SLC41A2: variants seen among roughly 807,000 people sequenced by gnomAD.
SLC41A2 encodes SLC41A1-like 1.
Under a neutral mutation model 58.3 loss-of-function variants are expected in SLC41A2, and 32 were observed. That is an observed-to-expected ratio of 0.55 (90% confidence interval 0.41 to 0.74). SLC41A2 has a LOEUF of 0.74. SLC41A2 is among the 30% of genes least tolerant of loss of function. SLC41A2 has a pLI of 0.00. For missense variants in SLC41A2, 514 were observed against 680.6 expected (o/e 0.76, Z 2.72); for synonymous variants, 190 against 235.0 (o/e 0.81, Z 1.75).
intron 3 of SLC41A2, among the ~76,000 whole-genome samples, chr12:104,908,041 G>T (rs1184952226): frequency 1.3e-5 from 2 of 152,136 alleles, no homozygotes; most frequent in Non-Finnish European, 1.5e-5. Context: ...GAGGCAGGCG[G>T]ATCACCTGAG....
intron 10 of SLC41A2, among the ~76,000 whole-genome samples, chr12:104,823,377 TCAA>T (rs1339843148): frequency 6.6e-6 from 1 of 151,848 alleles, no homozygotes; most frequent in Admixed American, 6.6e-5. Flanking sequence ...AAAACTAAAA[TCAA>T]CAACAAGTTA....
Position 104,802,881 on chromosome 12 carries a change from T to G in SLC41A2, c.*2271A>C, listed in dbSNP as rs541923703. 1.3e-5 allele frequency: 2 copies of G among 152,282 alleles called. No homozygotes were observed. The highest frequency in any genetic ancestry group is 2.9e-5 in the Non-Finnish European group (2 of 68,004). The allele number at this position is 152,282 out of a possible 1,614,324, so 9.4% of individuals were successfully genotyped here. A position where few individuals can be genotyped will look rare whatever the true frequency, so the allele number is the denominator to read the frequency against. On this transcript the variant is annotated 3_prime_UTR_variant, in exon 11 of 11. Coordinates refer to ENST00000258538, the MANE Select transcript of SLC41A2 (RefSeq NM_001352171.3). Reference sequence around the variant, plus strand: ...GTACATTTGGAGGGTCATAAACATGTCATAGAAAGAGTACTGGCATTATGA... The same window carrying G: ...GTACATTTGGAGGGTCATAAACATGGCATAGAAAGAGTACTGGCATTATGA...
chr12:104,876,243 C>T (rs1053454036), intron 6 of SLC41A2, among the ~76,000 whole-genome samples: 2 of 151,662 alleles, frequency 1.3e-5, no homozygotes, highest in Non-Finnish European at 2.9e-5. Context: ...TTTTTCTATT[C>T]TCTATTTGAT....
intron 6 of SLC41A2, among the ~76,000 whole-genome samples, chr12:104,878,920 C>G (rs1295394299): frequency 4.6e-5 from 7 of 152,156 alleles, no homozygotes; most frequent in South Asian, 2.1e-4. Flanking sequence ...CTAGTTTACA[C>G]TCCCACCAAC....
At chr12:104,957,044 C>G (rs1472843208) in intron 1 of SLC41A2, among the ~76,000 whole-genome samples, 1 of 152,098 alleles carries the variant, frequency 6.6e-6, no homozygotes, top group African/African-American at 2.4e-5. Context: ...AGGTATATAC[C>G]CAAGAGCACT....
intron 1 of SLC41A2, among the ~76,000 whole-genome samples, chr12:104,939,322 C>T (rs60726057): frequency 0.013 from 1,922 of 152,220 alleles, 53 homozygotes; most frequent in African/African-American, 0.044. Flanking sequence ...CTTAGCCTCC[C>T]GAGTAGCTAG....
chr12:104,875,906 G>A (rs910758060), intron 6 of SLC41A2, among the ~76,000 whole-genome samples: 4 of 152,206 alleles, frequency 2.6e-5, no homozygotes, highest in African/African-American at 9.6e-5. Flanking sequence ...ATTCAGCCAT[G>A]AAGCCATTTG....
At chr12:104,808,894 C>T (rs61046283) in intron 10 of SLC41A2, among the ~76,000 whole-genome samples, 3,623 of 152,194 alleles carry the variant, frequency 0.024, 86 homozygotes, top group East Asian at 0.094. Context: ...GTTCATATTT[C>T]TGTGGGATTT....
intron 10 of SLC41A2, among the ~76,000 whole-genome samples, chr12:104,828,273 G>A (rs532808278): frequency 6.6e-6 from 1 of 152,276 alleles, no homozygotes; most frequent in Admixed American, 6.5e-5. Flanking sequence ...CTGAGTGGCC[G>A]GCTCCAGTGG....
chr12:104,952,795 C>T lies in SLC41A2; in HGVS notation c.-168+5293G>A, dbSNP rs537779297. Among the ~76,000 whole-genome samples, 46 of 152,298 alleles carry T rather than the reference C, an allele frequency of 3.0e-4. 1 individual carries two copies. The highest frequency in any genetic ancestry group is 5.0e-4 in the Non-Finnish European group (34 of 68,018). ...AAAAAAATGTCACTTTAGTGTACCA[C>T]ATTCTCACACCTCTTGGCCTTTCCA... On this transcript the variant is annotated intron_variant, in intron 1 of 10. Transcript: ENST00000258538.
intron 10 of SLC41A2, among the ~76,000 whole-genome samples, chr12:104,823,425 G>C (rs1338370601): frequency 6.6e-6 from 1 of 151,994 alleles, no homozygotes; most frequent in Non-Finnish European, 1.5e-5. Context: ...CTTAAGAATA[G>C]ACATATAAAT....
intron 1 of SLC41A2, among the ~76,000 whole-genome samples, chr12:104,943,120 G>A (rs1007440857): frequency 2.6e-5 from 4 of 152,054 alleles, no homozygotes; most frequent in Non-Finnish European, 4.4e-5. Flanking sequence ...ATTTTAAGGT[G>A]CAGAAAAGAT....
At chr12:104,872,485 G>A (rs1279097397) in intron 6 of SLC41A2, among the ~76,000 whole-genome samples, 1 of 152,196 alleles carries the variant, frequency 6.6e-6, no homozygotes, top group Non-Finnish European at 1.5e-5. Flanking sequence ...TGTAATCCCA[G>A]CAATTTGGGA....
chr12:104,923,223 G>T (rs1236664795), intron 2 of SLC41A2, among the ~76,000 whole-genome samples: 1 of 147,076 alleles, frequency 6.8e-6, no homozygotes, highest in Non-Finnish European at 1.5e-5. Flanking sequence ...TTAGCCAGGC[G>T]GGGTGGCGGG....
At chr12:104,835,953 T>G (rs892411094) in intron 10 of SLC41A2, among the ~76,000 whole-genome samples, 1 of 152,194 alleles carries the variant, frequency 6.6e-6, no homozygotes, top group Non-Finnish European at 1.5e-5. Context: ...TAAGTGATTC[T>G]CCTGCTTCAG....
At chr12:104,914,862 G>GT (rs1159597394) in intron 2 of SLC41A2, among the ~76,000 whole-genome samples, 2 of 152,246 alleles carry the variant, frequency 1.3e-5, no homozygotes, top group Non-Finnish European at 2.9e-5. Context: ...TTTATTAGCT[G>GT]TAAGACCAGG....
chr12:104,907,015 G>A (rs1470568439), intron 3 of SLC41A2, among the ~76,000 whole-genome samples: 3 of 151,918 alleles, frequency 2.0e-5, no homozygotes, highest in African/African-American at 4.8e-5. Flanking sequence ...TTCCCTTACC[G>A]ATATCCAAAT....
At chr12:104,846,104 T>G in intron 8 of SLC41A2, 130 bp from the exon 9 acceptor site, 1 of 864,578 alleles carries the variant, frequency 1.2e-6, no homozygotes, top group South Asian at 1.9e-5. Context: ...TTCTGAAATG[T>G]TGATCTATTT....
At chr12:104,864,945 C>G (rs1189823814) in intron 7 of SLC41A2, among the ~76,000 whole-genome samples, 1 of 151,946 alleles carries the variant, frequency 6.6e-6, no homozygotes, top group Non-Finnish European at 1.5e-5. Context: ...ATGTTAGAGG[C>G]CTTTATGAAA....
Sources: allele counts gnomAD v4.1 joint callset (sites outside exome capture counted in the v4.1 genomes callset), GRCh38; gene constraint gnomAD v4.1.1; transcripts MANE v1.5; gene names NCBI Gene and HGNC (gene_info 2026-07-23, HGNC 2026-07-21).